SLC41A1: variants seen among roughly 807,000 people sequenced by gnomAD.
The protein encoded by SLC41A1 is solute carrier family 41 member 1.
In SLC41A1, 20 loss-of-function variants were observed where a neutral mutation model predicts 47.3. That is an observed-to-expected ratio of 0.42 (90% CI 0.30 to 0.61). The LOEUF (loss-of-function observed/expected upper bound fraction) is 0.61. Among genes scored for constraint, SLC41A1 ranks in the 20% least tolerant of loss-of-function variants. The probability of loss-of-function intolerance (pLI) is 0.17; values close to 1 mark genes in which losing one functional copy is unlikely to be tolerated. For missense variants in SLC41A1, 504 were observed against 674.1 expected (o/e 0.75, Z 2.79); for synonymous variants, 282 against 272.7 (o/e 1.03, Z -0.34).
chr1:205,801,006 G>A lies in SLC41A1; in HGVS notation c.427C>T (p.Leu143=). 1 of 1,614,194 alleles carries A rather than the reference G, an allele frequency of 6.2e-7. No individual in the cohort carries two copies. Residue 143 remains leucine, a synonymous_variant, in exon 3 of 11, where the codon CTG becomes TTG. Transcript: ENST00000367137. ...ATTTCCAGGTTCCCTTTGAGCCCCA[G>A]CAGCGCAGGCACTAGGATGAAGACC... ...TEVFILVPAL[L]GLKGNLEMTL...
At chr1:205,795,115 G>A in intron 9 of SLC41A1, 97 bp from the exon 10 acceptor site, 1 of 1,521,320 alleles carries the variant, frequency 6.6e-7, no homozygotes, top group Non-Finnish European at 9.0e-7. Context: ...CATACCCCAG[G>A]GCAACAGACA....
chr1:205,794,742 T>G (rs2102500914), intron 10 of SLC41A1, 128 bp downstream of exon 10: 1 of 1,239,712 alleles, frequency 8.1e-7, no homozygotes, highest in Non-Finnish European at 1.1e-6. Context: ...CCTTGTCTGG[T>G]GTTTATCAGC....
At chr1:205,798,598 C>T in intron 6 of SLC41A1, 71 bp downstream of exon 6, 1 of 1,605,778 alleles carries the variant, frequency 6.2e-7, no homozygotes, top group East Asian at 2.2e-5. Context: ...AACTCTTGCA[C>T]ATTTGCAAAC....
rs759806147 is a variant in SLC41A1, at chr1:205,798,049, G to A, written c.847C>T (p.His283Tyr). 1.9e-6 allele frequency: 3 copies of A among 1,614,080 alleles called. No homozygotes were observed. Among genetic ancestry groups the A allele is most frequent in the Non-Finnish European group, 2.5e-6 (3 of 1,180,034 alleles). The change falls in exon 7 of 11, where the codon CAC becomes TAC. Residue 283 changes from histidine to tyrosine, a missense_variant and splice_region_variant. Coordinates refer to ENST00000367137, the MANE Select transcript of SLC41A1 (RefSeq NM_173854.6). ...ACCAGTGGGTAGATGTATCGCCAGT[G>A]ATCTGAGAGGGCAGAGGTCAGAAGG... The part of the protein sequence containing the change: ...ISWGLYLELN[H>Y]WRYIYPLVCA...
chr1:205,797,057 A>C (rs2102502804), intron 7 of SLC41A1, 54 bp from the exon 8 acceptor site: 1 of 1,523,584 alleles, frequency 6.6e-7, no homozygotes, highest in Non-Finnish European at 9.0e-7. Context: ...GTTCTGCCTT[A>C]GTCTCTGGGA....
At chr1:205,796,834 C>T in intron 8 of SLC41A1, 90 bp downstream of exon 8, 1 of 1,309,532 alleles carries the variant, frequency 7.6e-7, no homozygotes, top group Non-Finnish European at 1.1e-6. Flanking sequence ...GGAACCCTGA[C>T]TGATACAGAA....
rs149819007 is a variant in SLC41A1, at chr1:205,812,446, C to A, written c.-647+362G>T. On this transcript the variant is annotated intron_variant, in intron 1 of 10. Transcript: ENST00000367137. ...CAGTGCCCCTATGCCAGAAAAGTTT[C>A]TGAGTCCGCTAAAAGCTGACACCCC... Among the ~76,000 whole-genome samples, 982 of 152,320 alleles carry A rather than the reference C, an allele frequency of 6.4e-3. 7 individuals carry two copies. The highest frequency in any genetic ancestry group is 0.022 in the African/African-American group (904 of 41,566).
In SLC41A1 at chr1:205,798,680, T is replaced by A. The variant is rs540235018; in HGVS notation, c.833A>T (p.Tyr278Phe). 6.2e-7 allele frequency: 1 copy of A among 1,614,052 alleles called. No individual in the cohort carries two copies. Among genetic ancestry groups the A allele is most frequent in the African/African-American group, 1.3e-5 (1 of 75,004 alleles). The change falls in exon 6 of 11, where the codon TAC becomes TTC. Residue 278 changes from tyrosine to phenylalanine, a missense_variant. By Grantham distance (22) the Tyr-to-Phe change is conservative (BLOSUM62 3). This residue lies in a region of SLC41A1 where 421 missense variants were observed against 601.6 expected (regional missense o/e 0.70). Coordinates refer to ENST00000367137, the MANE Select transcript of SLC41A1 (RefSeq NM_173854.6). ...TCTTGGTGGCTCACTCAGTTCCAGG[T>A]AGAGTCCCCAGCTGATGCCTGAGAG... is the stretch of plus-strand genomic sequence containing the variant. ...ALLSGISWGL[Y>F]LELNHWRYIY... is the part of the protein sequence containing the mutation.
chr1:205,794,562 A>G (rs1014098119), intron 10 of SLC41A1, among the ~76,000 whole-genome samples: 2 of 152,114 alleles, frequency 1.3e-5, no homozygotes, highest in African/African-American at 2.4e-5. Flanking sequence ...GTTGGCATGC[A>G]AACCCCACAG....
At chr1:205,794,010 A>G (rs981016083) in intron 10 of SLC41A1, among the ~76,000 whole-genome samples, 1 of 152,222 alleles carries the variant, frequency 6.6e-6, no homozygotes, top group Non-Finnish European at 1.5e-5. Flanking sequence ...AAAATGTAAT[A>G]ATAAGGGTGG....
At chr1:205,807,509 T>C (rs994425554) in intron 2 of SLC41A1, among the ~76,000 whole-genome samples, 2 of 152,140 alleles carry the variant, frequency 1.3e-5, no homozygotes, top group South Asian at 4.1e-4. Context: ...GGTAGGGGTG[T>C]GGTGTGTATG....
chr1:205,802,083 G>T (rs114245373), intron 2 of SLC41A1, among the ~76,000 whole-genome samples: 1 of 152,202 alleles, frequency 6.6e-6, no homozygotes, highest in Non-Finnish European at 1.5e-5. Context: ...CCCTAACAGG[G>T]TAGGTGGTTT....
chr1:205,800,872 C>G (rs543477652), intron 3 of SLC41A1, 81 bp downstream of exon 3: 2 of 1,318,478 alleles, frequency 1.5e-6, no homozygotes, highest in South Asian at 2.4e-5. Flanking sequence ...TGGAGAAGGG[C>G]TCGTAGCCCT....
At chr1:205,796,646 C>G (rs1655756947) in intron 8 of SLC41A1, 3 of 519,822 alleles carry the variant, frequency 5.8e-6, no homozygotes, top group Non-Finnish European at 1.0e-5. Flanking sequence ...GTATTCTGTT[C>G]TAGCAACAGA....
chr1:205,801,106 C>T (rs375352613), intron 2 of SLC41A1, 46 bp from the exon 3 acceptor site: 133 of 1,525,962 alleles, frequency 8.7e-5, no homozygotes, highest in Non-Finnish European at 1.1e-4. Flanking sequence ...CCCCAAAGGG[C>T]GGGCATTGAG....
At chr1:205,811,296 C>A (rs1323799414) in intron 1 of SLC41A1, among the ~76,000 whole-genome samples, 1 of 152,180 alleles carries the variant, frequency 6.6e-6, no homozygotes, top group Non-Finnish European at 1.5e-5. Flanking sequence ...ATCCTCCCCA[C>A]CAGCAACCCT....
In SLC41A1 at chr1:205,796,953, C is replaced by T. The variant is rs1313817964; in HGVS notation, c.1043G>A (p.Gly348Glu). ...AATCACAGGCGTGAAGACAGCCATC[C>T]CAGCAAAGTTGGGGTCTGAGACAGT... ...DKTVSDPNFA[G>E]MAVFTPVING... Residue 348 changes from glycine (G) to glutamate (E), a missense_variant, in exon 8 of 11, where the codon GGG becomes GAG. Gly to Glu is a moderately conservative substitution (Grantham distance 98). This residue lies in a region of SLC41A1 where 421 missense variants were observed against 601.6 expected (regional missense o/e 0.70). Coordinates refer to ENST00000367137, the MANE Select transcript of SLC41A1 (RefSeq NM_173854.6). The T allele has an allele frequency of 6.2e-7, 1 of 1,613,372 alleles. No individual in the cohort carries two copies. The highest frequency in any genetic ancestry group is 8.5e-7 in the Non-Finnish European group (1 of 1,179,752).
chr1:205,791,599 C>T lies in SLC41A1; in HGVS notation c.1476G>A (p.Gly492=). 1.2e-6 allele frequency: 2 copies of T among 1,614,074 alleles called. No homozygotes were observed. The highest frequency in any genetic ancestry group is 1.7e-6 in the Non-Finnish European group (2 of 1,179,990). Residue 492 remains glycine, a synonymous_variant, in exon 11 of 11, where the codon GGG becomes GGA. Transcript: ENST00000367137. This position sits in a 1 kb window ranked among gnomAD's most constrained non-coding sequence, Gnocchi z 4.0. ...GAACATGGAAGCTGAGTGCTAGGAG[C>T]CCAGTGCCAAGCAGGTCCCCCAGAG... ...LTALGDLLGT[G]LLALSFHVLW... is the part of the protein sequence containing the mutation.
intron 2 of SLC41A1, among the ~76,000 whole-genome samples, chr1:205,807,648 G>GTTTTTTTT (rs1170069554): frequency 3.0e-5 from 3 of 100,124 alleles, no homozygotes; most frequent in African/African-American, 3.4e-5. Flanking sequence ...TCCTCGTAGA[G>GTTTTTTTT]TCTTTTTTTT....
Sources: allele counts gnomAD v4.1 joint callset (sites outside exome capture counted in the v4.1 genomes callset), GRCh38; gene constraint gnomAD v4.1.1; regional missense constraint gnomAD v4.1.1; non-coding constraint Gnocchi (gnomAD v3.1); transcripts MANE v1.5; gene names NCBI Gene and HGNC (gene_info 2026-07-23, HGNC 2026-07-21).